CABYR: variants seen among roughly 807,000 people sequenced by gnomAD.
CABYR encodes the protein calcium-binding tyrosine phosphorylation-regulated protein.
Under a neutral mutation model 36.1 loss-of-function variants are expected in CABYR, and 31 were observed. That is an observed-to-expected ratio of 0.86 (90% CI 0.64 to 1.16). CABYR has a LOEUF of 1.16. Among genes scored for constraint, CABYR ranks in the 50% most tolerant of loss-of-function variants. CABYR has a pLI of 0.00. For synonymous variants in CABYR, 146 were observed against 160.7 expected (o/e 0.91, Z 0.69); for missense variants, 429 against 455.8 (o/e 0.94, Z 0.53).
In CABYR at chr18:24,156,740, T is replaced by G. The variant is rs773030785; in HGVS notation, c.541+698T>G. ...CAGAAGGTGCTATCAAAATAGGCTC[T>G]GAAAAATCTCTGCACCTTGAAGTGG... On this transcript the variant is annotated intron_variant, in intron 4 of 5. Coordinates refer to ENST00000399496, the MANE Select transcript of CABYR (RefSeq NM_153769.3). 6 of 1,614,216 alleles carry G rather than the reference T, an allele frequency of 3.7e-6. No individual in the cohort carries two copies. The East Asian group carries it at 8.9e-5, about 24-fold the overall frequency.
intron 4 of CABYR, 128 bp from the exon 5 acceptor site, chr18:24,159,344 A>G: frequency 2.9e-6 from 2 of 684,950 alleles, no homozygotes; most frequent in South Asian, 1.8e-5. Flanking sequence ...AGCCCTCTCT[A>G]TAGCATGCTC....
intron 4 of CABYR, among the ~76,000 whole-genome samples, chr18:24,158,928 C>G (rs1232831874): frequency 6.6e-6 from 1 of 152,130 alleles, no homozygotes; most frequent in Middle Eastern, 3.2e-3. Context: ...AAGGGGTGCT[C>G]TCTGGGGTTC....
chr18:24,158,725 A>G (rs1169178849), intron 4 of CABYR, among the ~76,000 whole-genome samples: 3 of 152,198 alleles, frequency 2.0e-5, no homozygotes, highest in Non-Finnish European at 4.4e-5. Context: ...AAACTCCTCT[A>G]TTGGGAACCT....
rs575045184 is a variant in CABYR at position 24,150,894 on chromosome 18, C to T, written c.200-4807C>T. On this transcript the variant is annotated intron_variant, in intron 3 of 5. Coordinates refer to ENST00000399496, the MANE Select transcript of CABYR (RefSeq NM_153769.3). ...TCCCGGGTTCACGCCATTCTCCTGC[C>T]TCAGCCTCCCGAATAGCTGGGACTA... Among the ~76,000 whole-genome samples the T allele has an allele frequency of 3.8e-3, 576 of 151,980 alleles. 3 individuals are homozygous for T. Among genetic ancestry groups the T allele is most frequent in the African/African-American group, 0.014 (561 of 41,482 alleles).
chr18:24,144,361 A>G (rs554554041), intron 3 of CABYR, among the ~76,000 whole-genome samples: 1 of 152,354 alleles, frequency 6.6e-6, no homozygotes, highest in Admixed American at 6.5e-5. Flanking sequence ...CTTAGATGCT[A>G]CAGAGTACTA....
chr18:24,158,663 G>A (rs1482376393), intron 4 of CABYR, among the ~76,000 whole-genome samples: 1 of 152,100 alleles, frequency 6.6e-6, no homozygotes. Flanking sequence ...GCTGCACCGG[G>A]GATAGATGGC....
At chr18:24,158,501 A>G (rs112563704) in intron 4 of CABYR, among the ~76,000 whole-genome samples, 13,585 of 151,982 alleles carry the variant, frequency 0.089, 836 homozygotes, top group Middle Eastern at 0.27. Context: ...TATTTTTAGT[A>G]GAGATGGAGT....
intron 3 of CABYR, among the ~76,000 whole-genome samples, chr18:24,153,738 T>C (rs974587725): frequency 6.6e-6 from 1 of 152,182 alleles, no homozygotes; most frequent in African/African-American, 2.4e-5. Context: ...CCTGTTGTTA[T>C]GATGGAAACA....
At chr18:24,144,095 G>A (rs1415530628) in intron 3 of CABYR, among the ~76,000 whole-genome samples, 3 of 151,978 alleles carry the variant, frequency 2.0e-5, no homozygotes, top group Admixed American at 6.6e-5. Context: ...ATGGGGTTTT[G>A]CCGTCTTGGC....
intron 4 of CABYR, among the ~76,000 whole-genome samples, chr18:24,158,817 G>T (rs143124058): frequency 6.6e-6 from 1 of 152,254 alleles, no homozygotes; most frequent in East Asian, 1.9e-4. Context: ...TTGCATTATA[G>T]ATGGCACTCC....
chr18:24,143,572 T>C (rs949543720), intron 3 of CABYR, among the ~76,000 whole-genome samples, 159 bp downstream of exon 3: 1 of 152,070 alleles, frequency 6.6e-6, no homozygotes, highest in African/African-American at 2.4e-5. Flanking sequence ...TTTAGAGACA[T>C]GCTCTGTCAC....
At chr18:24,156,963 G>A (rs1291792029) in intron 4 of CABYR, 2 of 1,609,960 alleles carry the variant, frequency 1.2e-6, no homozygotes, top group African/African-American at 2.7e-5. Flanking sequence ...TGAACCAGAA[G>A]GGGAATCAAC....
At chr18:24,142,232 T>C (rs941378070) in intron 1 of CABYR, among the ~76,000 whole-genome samples, 5 of 151,980 alleles carry the variant, frequency 3.3e-5, no homozygotes, top group African/African-American at 1.2e-4. Flanking sequence ...AGGCAGAGAA[T>C]TGCTTGAACC....
rs1240213332 is a variant in CABYR, at chr18:24,157,131, C to T, written c.541+1089C>T. 4.1e-5 allele frequency: 27 copies of T among 657,746 alleles called. No individual in the cohort carries two copies. In the Middle Eastern group the frequency reaches 1.3e-3, roughly 31 times the overall value. The allele number at this position is 657,746 out of a possible 1,614,324, so 40.7% of individuals were successfully genotyped here. A position where few individuals can be genotyped will look rare whatever the true frequency, so the allele number is the denominator to read the frequency against. ...ATAGACTTTTTTTAAATGCCAAAGC[C>T]ATTTAAAGACTTTGTTGTATTTGAG... On this transcript the variant is annotated intron_variant, in intron 4 of 5. Coordinates refer to ENST00000399496, the MANE Select transcript of CABYR (RefSeq NM_153769.3).
At chr18:24,154,838 A>G (rs2085732442) in intron 3 of CABYR, among the ~76,000 whole-genome samples, 1 of 152,198 alleles carries the variant, frequency 6.6e-6, no homozygotes, top group African/African-American at 2.4e-5. Flanking sequence ...CTTCCAACCC[A>G]TGAGAATTTT....
intron 3 of CABYR, among the ~76,000 whole-genome samples, chr18:24,146,037 A>G (rs1199030022): frequency 2.6e-5 from 4 of 152,224 alleles, no homozygotes; most frequent in Non-Finnish European, 5.9e-5. Context: ...TACAGTTTCC[A>G]GCATACAGTT....
At position 24,159,774 on chromosome 18, in the gene CABYR, G is replaced by A. The variant is rs746501778; in HGVS notation, c.844G>A (p.Val282Ile). The change falls in exon 5 of 6, where the codon GTT (valine) becomes ATT (isoleucine). Residue 282 changes from valine to isoleucine, a missense_variant. Physicochemically the swap from Val to Ile is conservative, Grantham distance 29. Transcript: ENST00000399496. ...GWKPLPGHAV[V>I]SQSDVLRYVA... is the part of the protein sequence containing the mutation. ...GAAACCTCTTCCTGGACATGCTGTCGTTTCACAGTCAGATGTCTTGAGATA... is the reference window on the plus strand; with the variant it reads ...GAAACCTCTTCCTGGACATGCTGTCATTTCACAGTCAGATGTCTTGAGATA... 1.9e-5 allele frequency: 30 copies of A among 1,613,942 alleles called. No individual in the cohort carries two copies. The highest frequency in any genetic ancestry group is 1.4e-4 in the South Asian group (13 of 91,070).
In CABYR at chr18:24,148,703, G is replaced by A. The variant is rs150509414; in HGVS notation, c.199+5290G>A. 891 of 149,700 alleles carry A rather than the reference G, an allele frequency of 6.0e-3. 5 individuals are homozygous for A. Among genetic ancestry groups the A allele is most frequent in the Non-Finnish European group, 9.2e-3 (606 of 66,200 alleles). The allele number at this position is 149,700 out of a possible 1,614,324, so 9.3% of individuals were successfully genotyped here. On this transcript the variant is annotated intron_variant, in intron 3 of 5. Transcript: ENST00000399496. ...TGGGTTCGTGGTCTCGCTGGCTCAG[G>A]AGTGAAGCTGCAGACCTTCATGGTG...
At chr18:24,155,662 T>A in intron 3 of CABYR, 39 bp from the exon 4 acceptor site, 3 of 1,417,314 alleles carry the variant, frequency 2.1e-6, no homozygotes, top group Non-Finnish European at 2.9e-6. Flanking sequence ...TAAAAATCTT[T>A]TTAGATGTTA....
Sources: allele counts gnomAD v4.1 joint callset (sites outside exome capture counted in the v4.1 genomes callset), GRCh38; gene constraint gnomAD v4.1.1; transcripts MANE v1.5; gene names NCBI Gene and HGNC (gene_info 2026-07-23, HGNC 2026-07-21).